MYH10: variants seen among roughly 807,000 people sequenced by gnomAD.
MYH10 encodes myosin heavy chain 10.
In MYH10, 55 loss-of-function variants were observed where a neutral mutation model predicts 257.8. The observed-to-expected ratio is 0.21, with a 90% CI of 0.17 to 0.27. The LOEUF (loss-of-function observed/expected upper bound fraction) is 0.27. Among genes scored for constraint, MYH10 ranks in the 10% least tolerant of loss-of-function variants. The pLI is 1.00. For synonymous variants in MYH10, 854 were observed against 921.7 expected, an observed-to-expected ratio of 0.93 and a Z score of 1.33; for missense variants, 1,631 against 2,500.6, an observed-to-expected ratio of 0.65 and a Z score of 7.42.
intron 9 of MYH10, among the ~76,000 whole-genome samples, chr17:8,549,700 C>T (rs1282038238): frequency 6.6e-6 from 1 of 151,930 alleles, no homozygotes; most frequent in East Asian, 1.9e-4. Flanking sequence ...AATTTACTCG[C>T]TCTCCCTCTC....
At chr17:8,606,508 A>G (rs2152078343) in intron 2 of MYH10, among the ~76,000 whole-genome samples, 2 of 152,270 alleles carry the variant, frequency 1.3e-5, no homozygotes, top group Non-Finnish European at 2.9e-5. Flanking sequence ...ACTAAGGGGG[A>G]TTCTAACTAA....
rs749370214 is a variant in MYH10 at position 8,493,890 on chromosome 17, G to T, written c.4057-5C>A. ...TGTCTCCTCCTGAAGAAGCTCCTGTGTTTTTTTTTTAAAGGGCAACACTTC... is the reference window on the plus strand; with the variant it reads ...TGTCTCCTCCTGAAGAAGCTCCTGTTTTTTTTTTTTAAAGGGCAACACTTC... On this transcript the variant is annotated splice_region_variant and splice_polypyrimidine_tract_variant and intron_variant, in intron 31 of 42. Transcript: ENST00000360416. 1.4e-6 allele frequency: 2 copies of T among 1,432,838 alleles called. No individual in the cohort carries two copies. Among genetic ancestry groups the T allele is most frequent in the African/African-American group, 2.9e-5 (2 of 68,580 alleles). 88.8% of individuals were successfully genotyped at this position (1,432,838 alleles called of 1,614,324 possible).
chr17:8,534,688 C>G (rs1320255126), intron 16 of MYH10, among the ~76,000 whole-genome samples: 6 of 152,204 alleles, frequency 3.9e-5, no homozygotes, highest in Non-Finnish European at 7.3e-5. Flanking sequence ...AGGGTTAGAT[C>G]CAGGGCTAAG....
chr17:8,497,778 A>C (rs1345806554), intron 30 of MYH10, among the ~76,000 whole-genome samples: 2 of 143,518 alleles, frequency 1.4e-5, no homozygotes, highest in African/African-American at 2.6e-5. Flanking sequence ...TCAGAAAAAA[A>C]CCCCTGCATG....
intron 16 of MYH10, among the ~76,000 whole-genome samples, chr17:8,531,810 C>A (rs1434906838): frequency 6.6e-6 from 1 of 152,158 alleles, no homozygotes; most frequent in Non-Finnish European, 1.5e-5. Flanking sequence ...TCTGCTTTTG[C>A]ATTTAAGTGG....
At position 8,554,059 on chromosome 17, in the gene MYH10, T is replaced by C. The variant is rs1328969418; in HGVS notation, c.757-41A>G. Reference sequence around the variant, plus strand: ...AAAGAGAAAATTGAAAATAAGTAAGTACATACTGGATATGAACACTAATAA... The same window carrying C: ...AAAGAGAAAATTGAAAATAAGTAAGCACATACTGGATATGAACACTAATAA... On this transcript the variant is annotated intron_variant, in intron 7 of 42. Coordinates refer to ENST00000360416, the MANE Select transcript of MYH10 (RefSeq NM_001256012.3). 4 of 1,380,914 alleles carry C rather than the reference T, an allele frequency of 2.9e-6. No individual in the cohort carries two copies. In the Admixed American group the frequency reaches 6.7e-5, roughly 23 times the overall value. The allele number at this position is 1,380,914 out of a possible 1,614,324, so 85.5% of individuals were successfully genotyped here. A position where few individuals can be genotyped will look rare whatever the true frequency, so the allele number is the denominator to read the frequency against.
intron 23 of MYH10, 50 bp from the exon 24 acceptor site, chr17:8,512,707 C>A (rs1169100327): frequency 6.8e-7 from 1 of 1,465,888 alleles, no homozygotes; most frequent in Middle Eastern, 1.7e-4. Flanking sequence ...CATACGTACA[C>A]AGTATATATT....
intron 3 of MYH10, among the ~76,000 whole-genome samples, chr17:8,592,261 G>C (rs1004209977): frequency 2.0e-5 from 3 of 151,240 alleles, no homozygotes; most frequent in Admixed American, 2.0e-4. Context: ...AACTAGAAAA[G>C]AGCAAATTAA....
At position 8,534,246 on chromosome 17, in the gene MYH10, C is replaced by T. The variant is rs142441502; in HGVS notation, c.1894+1141G>A. ...CTCAGTAGTCAGTTGAAGACTTTCACCTAAAGGTACAAAGATTAAAGGCTT... is the reference window on the plus strand; with the variant it reads ...CTCAGTAGTCAGTTGAAGACTTTCATCTAAAGGTACAAAGATTAAAGGCTT... On this transcript the variant is annotated intron_variant, in intron 16 of 42. Coordinates refer to ENST00000360416, the MANE Select transcript of MYH10 (RefSeq NM_001256012.3). Among the ~76,000 whole-genome samples, 377 of 152,244 alleles carry T rather than the reference C, an allele frequency of 2.5e-3. 3 individuals carry two copies. Among genetic ancestry groups the T allele is most frequent in the African/African-American group, 6.2e-3 (258 of 41,528 alleles).
At chr17:8,600,316 T>C (rs1371004832) in intron 3 of MYH10, among the ~76,000 whole-genome samples, 5 of 151,974 alleles carry the variant, frequency 3.3e-5, no homozygotes, top group Non-Finnish European at 5.9e-5. Context: ...TGTTAACATA[T>C]AGGGGGAAAG....
At chr17:8,542,363 T>A (rs936180924) in intron 13 of MYH10, 83 bp from the exon 14 acceptor site, 3 of 1,288,184 alleles carry the variant, frequency 2.3e-6, no homozygotes, top group South Asian at 2.9e-5. Flanking sequence ...TATAAAAAAA[T>A]TTTTCATTAA....
intron 9 of MYH10, among the ~76,000 whole-genome samples, chr17:8,549,427 GAACT>G (rs1285626527): frequency 6.6e-6 from 1 of 152,208 alleles, no homozygotes; most frequent in African/African-American, 2.4e-5. Context: ...GAATTAAAGA[GAACT>G]TACTCTTTTG....
At position 8,589,065 on chromosome 17, in the gene MYH10, T is replaced by C. The variant is rs1421902672; in HGVS notation, c.530+16A>G. 1 of 1,612,948 alleles carries C rather than the reference T, an allele frequency of 6.2e-7. No individual in the cohort carries two copies. Among genetic ancestry groups the C allele is most frequent in the Non-Finnish European group, 8.5e-7 (1 of 1,179,300 alleles). The stretch of plus-strand genomic sequence containing the variant: ...AGAAAATCAAAAACAAATCTGAACA[T>C]TCAACATTTACTTACGTGCAAAGAA... On this transcript the variant is annotated intron_variant, in intron 4 of 42. Transcript: ENST00000360416.
rs1054931563 is a variant in MYH10, at chr17:8,477,214, G to T, written c.5707-166C>A. On this transcript the variant is annotated intron_variant, in intron 41 of 42. Transcript: ENST00000360416. The surrounding 1 kb of genome is among the most constrained non-coding windows in gnomAD (Gnocchi z 4.2). ...GGGCTGGTCGGAGGCTCTGTAACCG[G>T]CCTGCCGCTCTCAGCAAAGCTAGCA... Among the ~76,000 whole-genome samples, 1 of 152,078 alleles carries T rather than the reference G, an allele frequency of 6.6e-6. No individual in the cohort carries two copies. The highest frequency in any genetic ancestry group is 1.5e-5 in the Non-Finnish European group (1 of 68,018).
Position 8,506,325 on chromosome 17 carries a change from G to A in MYH10, c.3379C>T (p.Leu1127=), listed in dbSNP as rs752267717. 1.3e-6 allele frequency: 2 copies of A among 1,598,090 alleles called. No homozygotes were observed. Among genetic ancestry groups the A allele is most frequent in the South Asian group, 1.1e-5 (1 of 88,304 alleles). ...AKKEEELQGA[L]ARGDDETLHK... ...AGCTGCTGGGCTGCAGACCTGGCCAGTGCGCCCTGCAGCTCCTCCTCCTTC... is the reference window on the plus strand; with the variant it reads ...AGCTGCTGGGCTGCAGACCTGGCCAATGCGCCCTGCAGCTCCTCCTCCTTC... The change falls in exon 27 of 43, where the codon CTG becomes TTG. Residue 1127 remains leucine, a synonymous_variant. Transcript: ENST00000360416. The surrounding 1 kb of genome is among the most constrained non-coding windows in gnomAD (Gnocchi z 5.0).
chr17:8,480,624 A>G lies in MYH10; in HGVS notation c.5265-99T>C, dbSNP rs768410904. 6 of 1,504,472 alleles carry G rather than the reference A, an allele frequency of 4.0e-6. No homozygotes were observed. In the South Asian group the frequency reaches 4.7e-5, roughly 12 times the overall value. 93.2% of individuals were successfully genotyped at this position (1,504,472 alleles called of 1,614,324 possible). ...CACCCACCCTGTTGCTGGAAACCTG[A>G]GCAGCCATCCTGAATTTTCTCTTTC... On this transcript the variant is annotated intron_variant, in intron 38 of 42. Transcript: ENST00000360416.
chr17:8,570,365 T>G (rs2083294898), intron 6 of MYH10, among the ~76,000 whole-genome samples: 1 of 152,216 alleles, frequency 6.6e-6, no homozygotes, highest in Non-Finnish European at 1.5e-5. Context: ...TTGCTCAGAT[T>G]TAAAAGGCTA....
chr17:8,527,955 A>G (rs2081901784), intron 17 of MYH10, among the ~76,000 whole-genome samples: 1 of 152,254 alleles, frequency 6.6e-6, no homozygotes, highest in South Asian at 2.1e-4. Flanking sequence ...CCTAAACCAC[A>G]GATTCTAAAA....
At position 8,490,586 on chromosome 17, in the gene MYH10, G is replaced by A. The variant is rs535399240; in HGVS notation, c.4672-34C>T. On this transcript the variant is annotated intron_variant, in intron 34 of 42. Transcript: ENST00000360416. This position sits in a 1 kb window ranked among gnomAD's most constrained non-coding sequence, Gnocchi z 4.1. ...CCGAAGCATCAGGAAAGAGTTGACC[G>A]GGGTGGAGGCACATATGAAGAACAG... is the stretch of plus-strand genomic sequence containing the variant. The A allele has an allele frequency of 5.4e-5, 86 of 1,594,724 alleles. No individual in the cohort carries two copies. Among genetic ancestry groups the A allele is most frequent in the Admixed American group, 1.0e-4 (6 of 59,940 alleles).
Sources: gnomAD v4.1 joint callset for allele counts (sites outside exome capture counted in the v4.1 genomes callset) on GRCh38, gnomAD v4.1.1 for gene constraint, Gnocchi (gnomAD v3.1) non-coding constraint, MANE v1.5 for transcripts, NCBI Gene and HGNC (gene_info 2026-07-23, HGNC 2026-07-21) for gene names.